Variants in OLAH observed in about 807,000 individuals in gnomAD.
OLAH encodes S-acyl fatty acid synthase thioesterase, medium chain.
In OLAH, 33 loss-of-function variants were observed where a neutral mutation model predicts 27.8. That is an observed-to-expected ratio of 1.19 (90% CI 0.90 to 1.59). The LOEUF is 1.59. Among genes scored for constraint, OLAH ranks in the 40% most tolerant of loss-of-function variants. The pLI is 0.00. For missense variants in OLAH, 359 were observed against 310.8 expected (o/e 1.16, Z -1.17); for synonymous variants, 120 against 102.9 (o/e 1.17, Z -1.01).
intron 3 of OLAH, among the ~76,000 whole-genome samples, chr10:15,054,124 T>A (rs1844200925): frequency 6.6e-6 from 1 of 151,316 alleles, no homozygotes; most frequent in Non-Finnish European, 1.5e-5. Context: ...CTGCAACCTC[T>A]GTCTCCCAGG....
rs540718634 is a variant in OLAH at position 15,064,414 on chromosome 10, A to G, written c.314A>G (p.Tyr105Cys). The stretch of plus-strand genomic sequence containing the variant: ...TTTGCTGAATTTAGTATGGGATCCT[A>G]CATTGCTTTTAGGACTGCACTAGGT... ...FAFFGHSMGS[Y>C]IAFRTALGLK... The change falls in exon 5 of 8, where the codon TAC becomes TGC. Residue 105 changes from tyrosine (Y) to cysteine (C), a missense_variant. Tyr to Cys is a radical substitution (Grantham distance 194). Coordinates refer to ENST00000378228, the MANE Select transcript of OLAH (RefSeq NM_001039702.3). 167 of 1,593,894 alleles carry G rather than the reference A, an allele frequency of 1.0e-4. No homozygotes were observed. The highest frequency in any genetic ancestry group is 1.7e-4 in the Middle Eastern group (1 of 6,026).
At chr10:15,039,866 A>G (rs138857678), upstream of OLAH, among the ~76,000 whole-genome samples, 642 of 152,298 alleles carry the variant, frequency 4.2e-3, 6 homozygotes, top group African/African-American at 0.015. Context: ...ACTGATCCTC[A>G]TCTTATGAGG....
At chr10:15,063,581 A>T (rs12249567) in intron 4 of OLAH, among the ~76,000 whole-genome samples, 17,040 of 152,212 alleles carry the variant, frequency 0.11, 1,351 homozygotes, top group African/African-American at 0.21. Flanking sequence ...AACCAAATGT[A>T]TTTACATAAT....
intron 3 of OLAH, among the ~76,000 whole-genome samples, chr10:15,059,124 CCCCCTTCCCTCCCTCT>C (rs1442217801): frequency 2.0e-5 from 1 of 50,804 alleles, no homozygotes; most frequent in African/African-American, 7.9e-5. Context: ...TCCCTCCCTC[CCCCCTTCCCTCCCTCT>C]CCCCTTCCCT....
intron 2 of OLAH, 129 bp downstream of exon 2, chr10:15,047,449 C>T: frequency 1.1e-6 from 1 of 900,738 alleles, no homozygotes; most frequent in Non-Finnish European, 1.8e-6. Flanking sequence ...AATCCCAGCA[C>T]TTTGGGAGCC....
chr10:15,037,839 T>C (rs1261144848), intron 1 of OLAH, among the ~76,000 whole-genome samples: 2 of 152,212 alleles, frequency 1.3e-5, no homozygotes, highest in Admixed American at 6.5e-5. Context: ...CTGTTCTTTA[T>C]GTAACTGGCA....
chr10:15,066,226 G>C (rs1020598462), intron 6 of OLAH, among the ~76,000 whole-genome samples: 1 of 141,852 alleles, frequency 7.0e-6, no homozygotes, highest in Non-Finnish European at 1.5e-5. Context: ...GGCCAACAGA[G>C]TGAGACTCCA....
intron 3 of OLAH, among the ~76,000 whole-genome samples, chr10:15,050,034 T>A (rs1248402395): frequency 1.3e-5 from 2 of 152,234 alleles, no homozygotes; most frequent in African/African-American, 4.8e-5. Flanking sequence ...TTGAACTGAA[T>A]CTACCATCTT....
intron 3 of OLAH, among the ~76,000 whole-genome samples, chr10:15,052,543 G>T (rs1389864544): frequency 1.3e-5 from 2 of 152,132 alleles, no homozygotes; most frequent in Non-Finnish European, 2.9e-5. Context: ...AAAGTGCTGG[G>T]ATTACAGGTG....
chr10:15,061,619 C>T, intron 3 of OLAH, 105 bp from the exon 4 acceptor site: 1 of 1,092,964 alleles, frequency 9.1e-7, no homozygotes, highest in Non-Finnish European at 1.2e-6. Flanking sequence ...TGTTATCATT[C>T]ATTTCTTTGA....
chr10:15,072,942 G>C (rs1017994703), intron 7 of OLAH, 145 bp from the exon 8 acceptor site: 4 of 727,208 alleles, frequency 5.5e-6, no homozygotes, highest in Non-Finnish European at 9.1e-6. Flanking sequence ...GTCCAAGATG[G>C]CAATGCTCCT....
intron 1 of OLAH, among the ~76,000 whole-genome samples, chr10:15,034,100 CCA>C (rs1491011322): frequency 2.1e-5 from 2 of 95,578 alleles, no homozygotes; most frequent in East Asian, 4.3e-4. Flanking sequence ...GCAGACTCCA[CCA>C]TTTTTTTTTT....
intron 4 of OLAH, among the ~76,000 whole-genome samples, chr10:15,063,934 G>A (rs1232005518): frequency 8.5e-5 from 13 of 152,166 alleles, no homozygotes; most frequent in African/African-American, 3.1e-4. Flanking sequence ...AATTGTTGCT[G>A]TATCACATGT....
intron 3 of OLAH, among the ~76,000 whole-genome samples, chr10:15,054,649 T>G (rs1844212203): frequency 1.3e-5 from 2 of 152,220 alleles, no homozygotes; most frequent in South Asian, 4.1e-4. Flanking sequence ...TGACTACTAC[T>G]TTGTTTTGTA....
chr10:15,072,961 A>G, intron 7 of OLAH, 126 bp from the exon 8 acceptor site: 1 of 842,456 alleles, frequency 1.2e-6, no homozygotes, highest in African/African-American at 1.7e-5. Context: ...CTGCTTCATC[A>G]CCTAGAACAT....
chr10:15,041,466 C>T (rs1183667736), upstream of OLAH, among the ~76,000 whole-genome samples: 11 of 151,880 alleles, frequency 7.2e-5, no homozygotes, highest in Non-Finnish European at 1.2e-4. Context: ...TTAGTAGAGA[C>T]GGGGTTTCTC....
intron 1 of OLAH, among the ~76,000 whole-genome samples, chr10:15,032,958 C>A (rs1382936843): frequency 6.6e-6 from 1 of 152,080 alleles, no homozygotes; most frequent in Non-Finnish European, 1.5e-5. Context: ...CTGCAACCTC[C>A]ACCTCCCAGG....
intron 2 of OLAH, 183 bp downstream of exon 2, chr10:15,047,503 T>C (rs552309236): frequency 7.9e-5 from 47 of 597,536 alleles, no homozygotes; most frequent in South Asian, 4.7e-4. Context: ...AAGACCAGCC[T>C]GGCCGACATG....
intron 3 of OLAH, among the ~76,000 whole-genome samples, chr10:15,052,992 C>T (rs1470313743): frequency 2.0e-5 from 3 of 151,546 alleles, no homozygotes; most frequent in East Asian, 2.0e-4. Context: ...CCACCTGCCT[C>T]GGCCTCCTAA....
Sources: allele counts gnomAD v4.1 joint callset (sites outside exome capture counted in the v4.1 genomes callset), GRCh38; gene constraint gnomAD v4.1.1; transcripts MANE v1.5; gene names NCBI Gene and HGNC (gene_info 2026-07-23, HGNC 2026-07-21).